The following CCN5 variants were observed in gnomAD, a reference collection of about 807,000 sequenced individuals.
CCN5 encodes CCN family member 5.
In CCN5, 17 loss-of-function variants were observed where a neutral mutation model predicts 18.7. The ratio of observed to expected loss-of-function variants is 0.91; its 90% CI spans 0.62 to 1.36. The LOEUF (loss-of-function observed/expected upper bound fraction) is 1.36, where lower values mean the gene tolerates loss of function less well. CCN5 is among the 40% of genes most tolerant of loss of function. The pLI, the probability that CCN5 is intolerant of heterozygous loss-of-function variation, is 0.00. For synonymous variants in CCN5, 135 were observed against 145.2 expected (o/e 0.93, Z 0.50); for missense variants, 367 against 342.9 (o/e 1.07, Z -0.56).
intron 1 of CCN5, 122 bp downstream of exon 1, chr20:44,715,572 G>A: frequency 1.8e-6 from 2 of 1,096,496 alleles, no homozygotes; most frequent in South Asian, 1.4e-5. Flanking sequence ...ATTGGGCACA[G>A]TCTGGCCCCC....
chr20:44,720,040 C>G lies in CCN5; in HGVS notation c.204C>G (p.His68Gln). 6.3e-7 allele frequency: 1 copy of G among 1,598,108 alleles called. No homozygotes were observed. ...TGGGGGAGCCCTGCGACCAACTCCA[C>G]GTCTGCGACGCCAGCCAGGGCCTGG... The part of the protein sequence containing the change: ...RRLGEPCDQL[H>Q]VCDASQGLVC... The change falls in exon 2 of 4, where the codon CAC becomes CAG. Residue 68 changes from histidine to glutamine, a missense_variant. His to Gln is a conservative substitution (Grantham distance 24). Coordinates refer to ENST00000190983, the MANE Select transcript of CCN5 (RefSeq NM_003881.4).
At chr20:44,717,885 G>GAAA (rs60571299) in intron 1 of CCN5, among the ~76,000 whole-genome samples, 1 of 90,208 alleles carries the variant, frequency 1.1e-5, no homozygotes, top group Non-Finnish European at 2.3e-5. Flanking sequence ...TCTCAAAAAA[G>GAAA]AAAAAAAAAA....
At chr20:44,723,679 G>A (rs1360066731) in intron 2 of CCN5, 1 of 152,126 alleles carries the variant, frequency 6.6e-6, no homozygotes, top group African/African-American at 2.4e-5. Context: ...CTTCACCAGC[G>A]CTCTTACTTC....
At chr20:44,719,824 G>T in intron 1 of CCN5, 73 bp from the exon 2 acceptor site, 1 of 1,479,730 alleles carries the variant, frequency 6.8e-7, no homozygotes. Context: ...GCCTGGCAGA[G>T]AAGTGGCTGG....
At chr20:44,715,140 G>T (rs2065846699), upstream of CCN5, 5 of 520,330 alleles carry the variant, frequency 9.6e-6, no homozygotes, top group Non-Finnish European at 1.7e-5. Context: ...CCCCTTGGTG[G>T]CCTTCACAGT....
intron 3 of CCN5, among the ~76,000 whole-genome samples, chr20:44,726,030 T>C (rs1472547179): frequency 2.6e-5 from 4 of 152,224 alleles, no homozygotes; most frequent in Admixed American, 6.5e-5. Flanking sequence ...CCCTTTTTGC[T>C]GTGTGACTCT....
intron 3 of CCN5, among the ~76,000 whole-genome samples, chr20:44,726,834 C>T (rs961189194): frequency 4.6e-5 from 7 of 152,184 alleles, no homozygotes; most frequent in African/African-American, 1.7e-4. Flanking sequence ...GAGGGACCAT[C>T]GTGACCAACA....
chr20:44,723,517 C>T (rs2065914055), intron 2 of CCN5: 2 of 151,966 alleles, frequency 1.3e-5, no homozygotes, highest in East Asian at 2.0e-4. Context: ...GTTCTGAAAC[C>T]CCTGTGTGTG....
chr20:44,724,495 A>C, intron 2 of CCN5: 1 of 553,352 alleles, frequency 1.8e-6, no homozygotes. Context: ...GTTCACAGCT[A>C]AGAAAGGGCA....
chr20:44,718,132 G>A (rs138433615), intron 1 of CCN5, among the ~76,000 whole-genome samples: 25 of 152,256 alleles, frequency 1.6e-4, no homozygotes, highest in African/African-American at 4.3e-4. Flanking sequence ...AGCTCCGTGT[G>A]TCCATCTGCT....
intron 2 of CCN5, 29 bp downstream of exon 2, chr20:44,720,142 G>A: frequency 1.3e-6 from 2 of 1,534,204 alleles, no homozygotes; most frequent in Non-Finnish European, 1.7e-6. Context: ...CTGAGTGGGG[G>A]CGGGTGTGAG....
At chr20:44,724,347 T>C (rs893861653) in intron 2 of CCN5, 40 of 227,290 alleles carry the variant, frequency 1.8e-4, no homozygotes, top group African/African-American at 9.1e-4. Context: ...CTAGGACCTA[T>C]GGAAGGTCTC....
In CCN5 at chr20:44,724,894, G is replaced by A; in HGVS notation, c.434G>A (p.Cys145Tyr). Residue 145 changes from cysteine (C) to tyrosine (Y), a missense_variant, in exon 3 of 4, where the codon TGC (cysteine) becomes TAC (tyrosine). Cys to Tyr is a radical substitution (Grantham distance 194). Transcript: ENST00000190983. ...GATGTGCGGCTGCCCAGCTGGGACTGCCCCCACCCCAGGAGGGTCGAGGTC... is the reference window on the plus strand; with the variant it reads ...GATGTGCGGCTGCCCAGCTGGGACTACCCCCACCCCAGGAGGGTCGAGGTC... ...SEDVRLPSWDCPHPRRVEVLG... is the reference protein window; with the variant it reads ...SEDVRLPSWDYPHPRRVEVLG... 6.3e-7 allele frequency: 1 copy of A among 1,593,710 alleles called. No individual in the cohort carries two copies. Among genetic ancestry groups the A allele is most frequent in the Admixed American group, 1.8e-5 (1 of 56,288 alleles).
At chr20:44,717,033 G>T (rs1332488121) in intron 1 of CCN5, among the ~76,000 whole-genome samples, 1 of 152,108 alleles carries the variant, frequency 6.6e-6, no homozygotes, top group Non-Finnish European at 1.5e-5. Flanking sequence ...GATATCATGA[G>T]CCTTGCCCCC....
intron 1 of CCN5, 32 bp from the exon 2 acceptor site, chr20:44,719,864 GC>G (rs2065885004): frequency 1.9e-6 from 3 of 1,599,168 alleles, no homozygotes; most frequent in Non-Finnish European, 2.6e-6. Context: ...CACCTCGAAA[GC>G]CCGTGGCTGA....
At chr20:44,725,751 C>G (rs904141504) in intron 3 of CCN5, among the ~76,000 whole-genome samples, 5 of 137,626 alleles carry the variant, frequency 3.6e-5, no homozygotes, top group African/African-American at 8.4e-5. Flanking sequence ...CAAAACTGAA[C>G]GAGGCAAAGT....
chr20:44,715,188 G>A (rs191561949), upstream of CCN5: 3 of 596,808 alleles, frequency 5.0e-6, no homozygotes, highest in Admixed American at 8.2e-5. Flanking sequence ...TTTGAGCCAT[G>A]AGGATGGGAA....
chr20:44,715,260 T>TGC, upstream of CCN5: 1 of 190,474 alleles, frequency 5.3e-6, no homozygotes, highest in Admixed American at 6.5e-5. Flanking sequence ...TGTGTGTGTG[T>TGC]GAGCGCGCGC....
Position 44,720,018 on chromosome 20 carries a change from G to A in CCN5, c.182G>A (p.Gly61Glu), listed in dbSNP as rs889098235. ...TGCCGGGTATGTGCACGGCGGCTGG[G>A]GGAGCCCTGCGACCAACTCCACGTC... ...GCCRVCARRL[G>E]EPCDQLHVCD... Residue 61 changes from glycine (G) to glutamate (E), a missense_variant, in exon 2 of 4, where the codon GGG becomes GAG. Physicochemically the swap from Gly to Glu is moderately conservative, Grantham distance 98 (BLOSUM62 -2). Transcript: ENST00000190983. 1.2e-6 allele frequency: 2 copies of A among 1,607,688 alleles called. No homozygotes were observed. The highest frequency in any genetic ancestry group is 2.2e-5 in the East Asian group (1 of 44,798).
Sources: allele counts gnomAD v4.1 joint callset (sites outside exome capture counted in the v4.1 genomes callset), GRCh38; gene constraint gnomAD v4.1.1; transcripts MANE v1.5; gene names NCBI Gene and HGNC (gene_info 2026-07-23, HGNC 2026-07-21).